Variants in SGCZ observed in about 807,000 individuals in gnomAD.
SGCZ encodes the protein zeta-sarcoglycan.
Under a neutral mutation model 41.3 loss-of-function variants are expected in SGCZ, and 40 were observed. That is an observed-to-expected ratio of 0.97 (90% confidence interval 0.75 to 1.26). SGCZ has a LOEUF of 1.26. SGCZ is among the 50% of genes most tolerant of loss of function. The pLI, the probability that SGCZ is intolerant of heterozygous loss-of-function variation, is 0.00. For missense variants in SGCZ, 552 were observed against 369.8 expected (o/e 1.49, Z -4.04); for synonymous variants, 206 against 137.5 (o/e 1.50, Z -3.49).
At chr8:14,215,040 C>G (rs1435203703) in intron 4 of SGCZ, among the ~76,000 whole-genome samples, 1 of 152,116 alleles carries the variant, frequency 6.6e-6, no homozygotes, top group Non-Finnish European at 1.5e-5. Flanking sequence ...ATATAGAGCA[C>G]TTCACTAAAC....
At chr8:14,280,258 A>G (rs112102138) in intron 3 of SGCZ, among the ~76,000 whole-genome samples, 12 of 151,902 alleles carry the variant, frequency 7.9e-5, no homozygotes, top group African/African-American at 2.4e-4. Context: ...GACATGACAG[A>G]GGAGAAAAAT....
chr8:14,353,724 T>C (rs939467722), intron 2 of SGCZ, among the ~76,000 whole-genome samples: 1 of 152,100 alleles, frequency 6.6e-6, no homozygotes, highest in Non-Finnish European at 1.5e-5. Context: ...TCTCTTCTTC[T>C]GAAATTTATC....
chr8:15,171,284 G>T (rs1799821217), intron 1 of SGCZ, among the ~76,000 whole-genome samples: 1 of 152,178 alleles, frequency 6.6e-6, no homozygotes, highest in East Asian at 1.9e-4. Context: ...CAGGGTAAAA[G>T]AATCCAGTCC....
chr8:14,586,658 G>A (rs1317113053), intron 1 of SGCZ, among the ~76,000 whole-genome samples: 1 of 152,096 alleles, frequency 6.6e-6, no homozygotes, highest in East Asian at 1.9e-4. Flanking sequence ...TCCATGGAAG[G>A]ACCTCAGGAT....
At position 14,640,790 on chromosome 8, in the gene SGCZ, ACAGT is replaced by A. The variant is rs552067636; in HGVS notation, c.40-85868_40-85865del. 1.3e-4 allele frequency among the ~76,000 whole-genome samples: 19 copies of A among 151,724 alleles called. 1 individual carries two copies. The South Asian group carries it at 3.7e-3, about 30-fold the overall frequency. ...CAGATAGCTCATCCTCTGTCCAGAG[ACAGT>A]CAAAGCACATCTCATCTTTTCTGAT... is the stretch of plus-strand genomic sequence containing the variant. On this transcript the variant is annotated intron_variant, in intron 1 of 7. Coordinates refer to ENST00000382080, the MANE Select transcript of SGCZ (RefSeq NM_139167.4).
chr8:14,501,677 G>C (rs1465664629), intron 2 of SGCZ, among the ~76,000 whole-genome samples: 2 of 150,522 alleles, frequency 1.3e-5, no homozygotes, highest in Non-Finnish European at 1.5e-5. Context: ...CTTGAAGAAA[G>C]GTACTCTGAT....
intron 1 of SGCZ, among the ~76,000 whole-genome samples, chr8:15,214,835 G>A (rs997829589): frequency 7.9e-5 from 12 of 152,132 alleles, no homozygotes; most frequent in Non-Finnish European, 1.5e-4. Flanking sequence ...CATTAGAGAT[G>A]TTACCAGAGC....
At chr8:14,762,792 T>G (rs1190999218) in intron 1 of SGCZ, among the ~76,000 whole-genome samples, 1 of 152,226 alleles carries the variant, frequency 6.6e-6, no homozygotes, top group Non-Finnish European at 1.5e-5. Flanking sequence ...GAAGAAGTAT[T>G]GGGCAAGCAA....
intron 2 of SGCZ, among the ~76,000 whole-genome samples, chr8:14,447,879 A>T (rs1406885810): frequency 6.6e-6 from 1 of 152,110 alleles, no homozygotes; most frequent in Admixed American, 6.6e-5. Context: ...ATTCAGACAA[A>T]ATCACATTAT....
rs1191314009 is a variant in SGCZ at position 14,451,740 on chromosome 8, A to T, written c.234+102992T>A. ...ACAAGTGGCAAGTAAGCATATAAAAAATGTCCAACATTGTATATCATTTAA... is the reference window on the plus strand; with the variant it reads ...ACAAGTGGCAAGTAAGCATATAAAATATGTCCAACATTGTATATCATTTAA... On this transcript the variant is annotated intron_variant, in intron 2 of 7. Coordinates refer to ENST00000382080, the MANE Select transcript of SGCZ (RefSeq NM_139167.4). Among the ~76,000 whole-genome samples the T allele has an allele frequency of 5.9e-5, 9 of 152,228 alleles. 1 individual carries two copies. Among genetic ancestry groups the T allele is most frequent in the Admixed American group, 5.9e-4 (9 of 15,276 alleles).
chr8:14,366,195 G>C (rs2117147369), intron 2 of SGCZ, among the ~76,000 whole-genome samples: 1 of 152,210 alleles, frequency 6.6e-6, no homozygotes, highest in South Asian at 2.1e-4. Flanking sequence ...CAAAATACCA[G>C]AGACTGGATA....
chr8:14,867,050 T>G (rs572179078), intron 1 of SGCZ, among the ~76,000 whole-genome samples: 1 of 152,220 alleles, frequency 6.6e-6, no homozygotes, highest in East Asian at 1.9e-4. Context: ...GTGTTTTTTG[T>G]TCTCAATCCT....
At chr8:14,860,993 T>C (rs1803728220) in intron 1 of SGCZ, among the ~76,000 whole-genome samples, 1 of 152,218 alleles carries the variant, frequency 6.6e-6, no homozygotes, top group African/African-American at 2.4e-5. Context: ...CACTGCTGTT[T>C]CTTGCCTTCG....
chr8:14,996,218 T>C (rs901644925), intron 1 of SGCZ, among the ~76,000 whole-genome samples: 2 of 152,106 alleles, frequency 1.3e-5, no homozygotes, highest in African/African-American at 2.4e-5. Context: ...TTTGCTTTTA[T>C]GTCAATGGTC....
intron 4 of SGCZ, among the ~76,000 whole-genome samples, chr8:14,187,764 A>G (rs1301927731): frequency 6.6e-6 from 1 of 152,156 alleles, no homozygotes; most frequent in African/African-American, 2.4e-5. Context: ...AAGGAGAAGA[A>G]AACATTCAAA....
At chr8:14,307,368 CA>C (rs1204419781) in intron 3 of SGCZ, among the ~76,000 whole-genome samples, 3 of 152,128 alleles carry the variant, frequency 2.0e-5, no homozygotes, top group Non-Finnish European at 4.4e-5. Flanking sequence ...CTTCTATTTG[CA>C]TATCTGAAAA....
At chr8:14,978,515 G>A (rs1475967645) in intron 1 of SGCZ, among the ~76,000 whole-genome samples, 1 of 132,196 alleles carries the variant, frequency 7.6e-6, no homozygotes, top group Non-Finnish European at 1.6e-5. Flanking sequence ...AATTGTATCT[G>A]CTTGCATTTG....
chr8:14,228,233 C>A (rs571460766), intron 4 of SGCZ, among the ~76,000 whole-genome samples: 8 of 152,134 alleles, frequency 5.3e-5, no homozygotes, highest in African/African-American at 7.2e-5. Context: ...TCCAATGCAC[C>A]TGCAATTCCG....
Position 15,015,157 on chromosome 8 carries a change from T to G in SGCZ, c.39+222428A>C, listed in dbSNP as rs141000010. Reference sequence around the variant, plus strand: ...ACTTGGGAGGCTGAGGTGGAAGGATTGCTTGAACCTGGGAGACAGAGGCTG... The same window carrying G: ...ACTTGGGAGGCTGAGGTGGAAGGATGGCTTGAACCTGGGAGACAGAGGCTG... On this transcript the variant is annotated intron_variant, in intron 1 of 7. Transcript: ENST00000382080. Among the ~76,000 whole-genome samples, 105 of 152,042 alleles carry G rather than the reference T, an allele frequency of 6.9e-4. 1 individual carries two copies. Among genetic ancestry groups the G allele is most frequent in the African/African-American group, 2.4e-3 (100 of 41,476 alleles).
Sources: allele counts gnomAD v4.1 joint callset (sites outside exome capture counted in the v4.1 genomes callset), GRCh38; gene constraint gnomAD v4.1.1; transcripts MANE v1.5; gene names NCBI Gene and HGNC (gene_info 2026-07-23, HGNC 2026-07-21).